LYRM4: variants seen among roughly 807,000 people sequenced by gnomAD.
LYRM4 encodes LYR motif containing 4.
Under a neutral mutation model 11.7 loss-of-function variants are expected in LYRM4, and 9 were observed. The observed-to-expected ratio is 0.77, with a 90% CI of 0.46 to 1.34. The LOEUF is 1.34. Ranked by LOEUF, LYRM4 falls within the 40% of genes most tolerant of loss-of-function variation. LYRM4 has a pLI of 0.00. For synonymous variants in LYRM4, 42 were observed against 40.4 expected (o/e 1.04, Z -0.15); for missense variants, 133 against 112.5 (o/e 1.18, Z -0.82).
chr6:5,220,325 G>A (rs1762512705), intron 1 of LYRM4, among the ~76,000 whole-genome samples: 1 of 152,154 alleles, frequency 6.6e-6, no homozygotes. Flanking sequence ...AGCATCCAAT[G>A]TGTGATGTGG....
chr6:5,232,976 G>T (rs1763329222), intron 1 of LYRM4, among the ~76,000 whole-genome samples: 1 of 152,114 alleles, frequency 6.6e-6, no homozygotes, highest in Non-Finnish European at 1.5e-5. Context: ...ATTTAAAATT[G>T]TGCACCCTGC....
At chr6:5,038,865 C>T in the LYRM4 span, among the ~76,000 whole-genome samples, 1 of 68,052 alleles carries the variant, frequency 1.5e-5, no homozygotes, top group Non-Finnish European at 2.8e-5. Flanking sequence ...AGGGAGACCG[C>T]GGAAGGAGAC....
intron 1 of LYRM4, among the ~76,000 whole-genome samples, chr6:5,222,128 A>G (rs1279204479): frequency 1.3e-5 from 2 of 152,198 alleles, no homozygotes. Flanking sequence ...CTCCTGGTAC[A>G]ATGTAAGCCC....
chr6:5,240,538 G>T (rs962744842), intron 1 of LYRM4: 2 of 151,870 alleles, frequency 1.3e-5, no homozygotes, highest in African/African-American at 4.8e-5. Context: ...TGTTTTAAAA[G>T]AAGAGCACAC....
At chr6:5,068,666 A>G in the LYRM4 span, among the ~76,000 whole-genome samples, 3 of 152,198 alleles carry the variant, frequency 2.0e-5, no homozygotes, top group Non-Finnish European at 4.4e-5. This position sits in a 1 kb window ranked among gnomAD's most constrained non-coding sequence, Gnocchi z 4.0. Context: ...GAAAGGGGAC[A>G]CTGGAACAGA....
the LYRM4 span, among the ~76,000 whole-genome samples, chr6:5,083,746 A>G: frequency 1.3e-5 from 2 of 152,184 alleles, no homozygotes; most frequent in Non-Finnish European, 2.9e-5. Flanking sequence ...CTCTGCCAAC[A>G]TGGCTAAAAC....
At chr6:5,094,290 C>T in the LYRM4 span, among the ~76,000 whole-genome samples, 16 of 152,056 alleles carry the variant, frequency 1.1e-4, no homozygotes, top group African/African-American at 2.2e-4. Context: ...AAGACAAGCC[C>T]GGAGAACAAA....
chr6:5,227,988 T>C (rs1762992649), intron 1 of LYRM4, among the ~76,000 whole-genome samples: 1 of 151,388 alleles, frequency 6.6e-6, no homozygotes, highest in Admixed American at 6.6e-5. Flanking sequence ...TGTTGCGGGG[T>C]GGGGGGCTAG....
chr6:5,098,024 T>C, the LYRM4 span, among the ~76,000 whole-genome samples: 2 of 152,304 alleles, frequency 1.3e-5, no homozygotes, highest in African/African-American at 4.8e-5. Context: ...GATCTTGCTA[T>C]GTTGCCCAGC....
chr6:5,169,554 G>A (rs1026400491), intron 2 of LYRM4, among the ~76,000 whole-genome samples: 1 of 152,134 alleles, frequency 6.6e-6, no homozygotes, highest in South Asian at 2.1e-4. Flanking sequence ...TCAGTGAGTA[G>A]GCGAATTTAT....
At chr6:5,095,348 C>T in the LYRM4 span, among the ~76,000 whole-genome samples, 29 of 152,088 alleles carry the variant, frequency 1.9e-4, no homozygotes, top group East Asian at 2.7e-3. Context: ...AGGCAGCCTG[C>T]GAACTAGAAT....
At chr6:5,223,489 T>C (rs1762705505) in intron 1 of LYRM4, among the ~76,000 whole-genome samples, 1 of 152,108 alleles carries the variant, frequency 6.6e-6, no homozygotes, top group Non-Finnish European at 1.5e-5. Context: ...CTATTCCTCC[T>C]CCACAGGTCG....
chr6:5,108,662 G>T lies in LYRM4; in HGVS notation c.*761C>A. On this transcript the variant is annotated 3_prime_UTR_variant, in exon 3 of 3. Coordinates refer to ENST00000330636, the MANE Select transcript of LYRM4 (RefSeq NM_020408.6). ...CAGATTTGGGCACCGGTGCTGCCCA[G>T]CATGCCCCAGGCTTCAGGGTATGGG... The T allele has an allele frequency of 3.4e-6, 2 of 580,186 alleles. No individual in the cohort carries two copies. The highest frequency in any genetic ancestry group is 2.2e-6 in the Non-Finnish European group (1 of 459,278). 35.9% of individuals were successfully genotyped at this position (580,186 alleles called of 1,614,324 possible). A position where few individuals can be genotyped will look rare whatever the true frequency, so the allele number is the denominator to read the frequency against.
rs549259697 is a variant in LYRM4 at position 5,197,517 on chromosome 6, C to CA, written c.207+19100dup. 2.7e-3 allele frequency among the ~76,000 whole-genome samples: 405 copies of CA among 151,072 alleles called. 16 individuals carry two copies. The South Asian group carries it at 0.069, about 26-fold the overall frequency. Reference sequence around the variant, plus strand: ...TGAAACCCCGTCTCTACTGAAAATACAAAAAAAATTAGCTGGGCATGGTGG... The same window carrying CA: ...TGAAACCCCGTCTCTACTGAAAATACAAAAAAAAATTAGCTGGGCATGGTGG... On this transcript the variant is annotated intron_variant, in intron 2 of 2. Transcript: ENST00000330636.
intron 2 of LYRM4, among the ~76,000 whole-genome samples, chr6:5,145,178 G>A (rs1757649040): frequency 6.6e-6 from 1 of 152,320 alleles, no homozygotes; most frequent in Non-Finnish European, 1.5e-5. Context: ...GTCACTGACA[G>A]GTCATATGAG....
the LYRM4 span, among the ~76,000 whole-genome samples, chr6:5,078,165 G>A: frequency 2.0e-5 from 3 of 151,816 alleles, no homozygotes; most frequent in African/African-American, 7.3e-5. Flanking sequence ...CATATAAAAA[G>A]CCTTAAATCT....
chr6:5,216,005 G>A (rs1299556848), intron 2 of LYRM4, among the ~76,000 whole-genome samples: 1 of 152,278 alleles, frequency 6.6e-6, no homozygotes, highest in African/African-American at 2.4e-5. Context: ...AGATCATGCC[G>A]CTGCACATGC....
chr6:5,065,347 A>G, the LYRM4 span, among the ~76,000 whole-genome samples: 1 of 152,106 alleles, frequency 6.6e-6, no homozygotes, highest in African/African-American at 2.4e-5. Flanking sequence ...AATTTCTAAA[A>G]AAGTTTAAAT....
intron 2 of LYRM4, among the ~76,000 whole-genome samples, chr6:5,194,476 C>T (rs1030905236): frequency 3.9e-5 from 6 of 152,118 alleles, no homozygotes; most frequent in African/African-American, 1.4e-4. Context: ...TGAGGTACAA[C>T]CAGAACTGGG....
Sources: gnomAD v4.1 joint callset for allele counts (sites outside exome capture counted in the v4.1 genomes callset) on GRCh38, gnomAD v4.1.1 for gene constraint, Gnocchi (gnomAD v3.1) non-coding constraint, MANE v1.5 for transcripts, NCBI Gene and HGNC (gene_info 2026-07-23, HGNC 2026-07-21) for gene names.